BCO2: variants seen among roughly 807,000 people sequenced by gnomAD.
BCO2 encodes beta-carotene oxygenase 2, also known as carotenoid-cleaving dioxygenase, mitochondrial.
A neutral mutation model predicts 65.8 loss-of-function variants in BCO2; 56 were observed. The observed-to-expected ratio is 0.85, with a 90% CI of 0.69 to 1.06. The LOEUF is 1.06. Among genes scored for constraint, BCO2 ranks in the 50% least tolerant of loss-of-function variants. The pLI is 0.00. For synonymous variants in BCO2, 233 were observed against 242.3 expected, an observed-to-expected ratio of 0.96 and a Z score of 0.36; for missense variants, 675 against 698.5, an observed-to-expected ratio of 0.97 and a Z score of 0.38.
intron 8 of BCO2, among the ~76,000 whole-genome samples, chr11:112,203,041 C>T (rs1867775433): frequency 7.4e-6 from 1 of 135,630 alleles, no homozygotes; most frequent in South Asian, 2.8e-4. Flanking sequence ...CACAGTAAGA[C>T]TCCATCTCCA....
At chr11:112,202,359 T>C (rs1217107485) in intron 8 of BCO2, among the ~76,000 whole-genome samples, 169 bp downstream of exon 8, 1 of 152,032 alleles carries the variant, frequency 6.6e-6, no homozygotes, top group Non-Finnish European at 1.5e-5. Context: ...CTCGGCTCAC[T>C]GCAACCTCTA....
chr11:112,182,218 T>A (rs1443390432), intron 2 of BCO2, among the ~76,000 whole-genome samples: 3 of 152,178 alleles, frequency 2.0e-5, no homozygotes, highest in Middle Eastern at 3.4e-3. Flanking sequence ...CTGGAGAGGA[T>A]GTGGAGAAAT....
Position 112,202,024 on chromosome 11 carries a change from T to A in BCO2, c.1028T>A (p.Leu343His), listed in dbSNP as rs755029015. 1 of 1,569,290 alleles carries A rather than the reference T, an allele frequency of 6.4e-7. No individual in the cohort carries two copies. The highest frequency in any genetic ancestry group is 1.4e-5 in the African/African-American group (1 of 72,056). Residue 343 changes from leucine (L) to histidine (H), a missense_variant and splice_region_variant, in exon 8 of 12, where the codon CTC (leucine) becomes CAC (histidine). Leu to His is a moderately conservative substitution (Grantham distance 99). Coordinates refer to ENST00000357685, the MANE Select transcript of BCO2 (RefSeq NM_031938.7). ...FHVVEKRTGQ[L>H]LPGRYYSKPF... Reference sequence around the variant, plus strand: ...CATTGTTTGTGTTTTCCCCTGCAGCTCCTTCCAGGGAGATACTACAGCAAA... The same window carrying A: ...CATTGTTTGTGTTTTCCCCTGCAGCACCTTCCAGGGAGATACTACAGCAAA...
chr11:112,194,075 A>G (rs1263928536), intron 4 of BCO2, 81 bp downstream of exon 4: 2 of 822,908 alleles, frequency 2.4e-6, no homozygotes, highest in East Asian at 5.1e-5. Context: ...AGTAGTATAT[A>G]TCAAGAAGAA....
At chr11:112,210,540 T>G (rs955574416) in intron 8 of BCO2, among the ~76,000 whole-genome samples, 3 of 152,176 alleles carry the variant, frequency 2.0e-5, no homozygotes, top group Non-Finnish European at 4.4e-5. Context: ...TTCCTCTTCT[T>G]GGAAAATCGT....
chr11:112,183,100 T>G, intron 2 of BCO2: 1 of 1,285,490 alleles, frequency 7.8e-7, no homozygotes, highest in Non-Finnish European at 1.1e-6. Flanking sequence ...GGGTGTGATC[T>G]TCAAGAAGCC....
intron 1 of BCO2, among the ~76,000 whole-genome samples, chr11:112,178,825 A>G (rs2135344095): frequency 6.6e-6 from 1 of 152,348 alleles, no homozygotes; most frequent in South Asian, 2.1e-4. Flanking sequence ...TTGGAATCAC[A>G]TTCTGGTATA....
intron 7 of BCO2, 116 bp from the exon 8 acceptor site, chr11:112,201,907 G>A (rs966266775): frequency 3.5e-6 from 3 of 859,610 alleles, no homozygotes; most frequent in Non-Finnish European, 5.2e-6. Flanking sequence ...CCACTTCAGA[G>A]GGGAAAATCT....
At chr11:112,183,290 T>C (rs1478855576) in intron 2 of BCO2, 3 of 655,054 alleles carry the variant, frequency 4.6e-6, no homozygotes, top group Middle Eastern at 4.3e-4. Flanking sequence ...AATAACACTA[T>C]AAGGAAATTT....
At chr11:112,190,603 T>A (rs1283906679) in intron 2 of BCO2, among the ~76,000 whole-genome samples, 1 of 152,140 alleles carries the variant, frequency 6.6e-6, no homozygotes, top group East Asian at 1.9e-4. Flanking sequence ...ACGCCTGTAA[T>A]CCCAGTACTT....
At chr11:112,209,723 T>C (rs1859455150) in intron 8 of BCO2, among the ~76,000 whole-genome samples, 1 of 152,204 alleles carries the variant, frequency 6.6e-6, no homozygotes, top group South Asian at 2.1e-4. Flanking sequence ...GTGAAGTACA[T>C]TGACTGATTC....
At chr11:112,215,004 G>A (rs761095586) in intron 10 of BCO2, 60 bp downstream of exon 10, 1 of 1,519,064 alleles carries the variant, frequency 6.6e-7, no homozygotes, top group South Asian at 1.1e-5. Flanking sequence ...CTTTGAATTA[G>A]TTTGTTTTAT....
intron 8 of BCO2, among the ~76,000 whole-genome samples, chr11:112,211,938 A>T (rs1000108893): frequency 1.3e-5 from 2 of 152,222 alleles, no homozygotes; most frequent in African/African-American, 2.4e-5. Flanking sequence ...CCATTATTTG[A>T]AGCGTCTTTT....
chr11:112,200,418 G>A lies in BCO2; in HGVS notation c.866-195G>A, dbSNP rs957351865. ...GAACATGCAACCCAAGCTATTCTAA[G>A]CAGTTCCCTTTTTTATAAAGGAACA... On this transcript the variant is annotated intron_variant, in intron 6 of 11. Transcript: ENST00000357685. 2.0e-5 allele frequency: 10 copies of A among 502,250 alleles called. No homozygotes were observed. In the South Asian group the frequency reaches 2.0e-4, roughly 10 times the overall value. The allele number at this position is 502,250 out of a possible 1,614,324, so 31.1% of individuals were successfully genotyped here.
chr11:112,184,206 C>G (rs7120979), intron 2 of BCO2, among the ~76,000 whole-genome samples: 152,320 of 152,326 alleles, frequency 1, 76,157 homozygotes, highest in Middle Eastern at 1. Flanking sequence ...CTGCTAAAGG[C>G]CAATGTAATA....
chr11:112,204,549 C>G (rs1867818794), intron 8 of BCO2, among the ~76,000 whole-genome samples: 5 of 152,184 alleles, frequency 3.3e-5, no homozygotes, highest in Admixed American at 3.3e-4. Context: ...AGACCAACCC[C>G]TCTTCTTCCT....
rs566153944 is a variant in BCO2 at position 112,181,477 on chromosome 11, G to A, written c.293+1995G>A. On this transcript the variant is annotated intron_variant, in intron 2 of 11. Coordinates refer to ENST00000357685, the MANE Select transcript of BCO2 (RefSeq NM_031938.7). ...ATTACAGGCGTGAGCCACCGCGCCCGGCCGAGCTTTCTTAATTGACCGAAG... is the reference window on the plus strand; with the variant it reads ...ATTACAGGCGTGAGCCACCGCGCCCAGCCGAGCTTTCTTAATTGACCGAAG... 35 of 692,416 alleles carry A rather than the reference G, an allele frequency of 5.1e-5. 1 individual carries two copies. Among genetic ancestry groups the A allele is most frequent in the South Asian group, 2.1e-4 (15 of 70,288 alleles). 42.9% of individuals were successfully genotyped at this position (692,416 alleles called of 1,614,324 possible). A position where few individuals can be genotyped will look rare whatever the true frequency, so the allele number is the denominator to read the frequency against.
rs1173244504 is a variant in BCO2 at position 112,179,150 on chromosome 11, C to T, written c.89-128C>T. 3 of 766,488 alleles carry T rather than the reference C, an allele frequency of 3.9e-6. No homozygotes were observed. The African/African-American group carries it at 5.2e-5, about 13-fold the overall frequency. The allele number at this position is 766,488 out of a possible 1,614,324, so 47.5% of individuals were successfully genotyped here. A position where few individuals can be genotyped will look rare whatever the true frequency, so the allele number is the denominator to read the frequency against. On this transcript the variant is annotated intron_variant, in intron 1 of 11. Transcript: ENST00000357685. Reference sequence around the variant, plus strand: ...GAAGGAGAGAGAAGAAATTTGGAGCCTGTATTTGGTGTTAGGTTTATGTTT... The same window carrying T: ...GAAGGAGAGAGAAGAAATTTGGAGCTTGTATTTGGTGTTAGGTTTATGTTT...
chr11:112,206,196 C>T (rs953542915), intron 8 of BCO2, among the ~76,000 whole-genome samples: 2 of 147,806 alleles, frequency 1.4e-5, no homozygotes, highest in Non-Finnish European at 3.0e-5. Context: ...ACATCCCAGA[C>T]AATGTGGGGG....
Sources: allele counts gnomAD v4.1 joint callset (sites outside exome capture counted in the v4.1 genomes callset), GRCh38; gene constraint gnomAD v4.1.1; transcripts MANE v1.5; gene names NCBI Gene and HGNC (gene_info 2026-07-23, HGNC 2026-07-21).